Variants in BTBD8 observed in about 807,000 individuals in gnomAD.
BTBD8 encodes the protein BTB domain containing 8.
BTBD8 carries 110 observed loss-of-function variants against 162.9 expected under a neutral mutation model. That is an observed-to-expected ratio of 0.68 (90% CI 0.58 to 0.79). BTBD8 has a LOEUF of 0.79. BTBD8 is among the 30% of genes least tolerant of loss of function. The pLI, the probability that BTBD8 is intolerant of heterozygous loss-of-function variation, is 0.00. For missense variants in BTBD8, 1,905 were observed against 2,085.4 expected, an observed-to-expected ratio of 0.91 and a Z score of 1.68; for synonymous variants, 667 against 716.1, an observed-to-expected ratio of 0.93 and a Z score of 1.10.
chr1:92,099,250 T>G (rs1001120708), intron 2 of BTBD8, among the ~76,000 whole-genome samples: 4 of 152,168 alleles, frequency 2.6e-5, no homozygotes, highest in Non-Finnish European at 5.9e-5. Flanking sequence ...GATCTACATG[T>G]CCACCATTCT....
rs1650404968 is a variant in BTBD8 at position 92,167,137 on chromosome 1, A to G, written c.1302A>G (p.Leu434=). The G allele has an allele frequency of 6.4e-7, 1 of 1,550,492 alleles. No homozygotes were observed. The highest frequency in any genetic ancestry group is 1.2e-5 in the South Asian group (1 of 84,054). Residue 434 remains leucine (L), a synonymous_variant, in exon 10 of 18, where the codon TTA becomes TTG. Transcript: ENST00000636805. ...AGAGTGAAAATTTTGCTCTTCTTTT[A>G]CAGGTACTATGCCTAAATTATATCC... ...IIQSENFALL[L]QSQAMSSTAD...
intron 3 of BTBD8, among the ~76,000 whole-genome samples, chr1:92,104,732 C>A (rs1461212796): frequency 6.6e-6 from 1 of 152,100 alleles, no homozygotes. Context: ...CTTTTTGCAG[C>A]CTTTCATACT....
At chr1:92,091,450 CGT>C (rs138017815) in intron 2 of BTBD8, among the ~76,000 whole-genome samples, 17 of 151,100 alleles carry the variant, frequency 1.1e-4, no homozygotes, top group Admixed American at 2.6e-4. Context: ...CTAATACACT[CGT>C]GTGTGTGTGT....
At chr1:92,108,215 C>T (rs1418360959) in intron 4 of BTBD8, among the ~76,000 whole-genome samples, 2 of 152,212 alleles carry the variant, frequency 1.3e-5, no homozygotes, top group Non-Finnish European at 1.5e-5. Context: ...GGTTTTCACA[C>T]GTGCATACGT....
At chr1:92,106,982 G>A (rs898614786) in intron 3 of BTBD8, among the ~76,000 whole-genome samples, 43 of 152,032 alleles carry the variant, frequency 2.8e-4, no homozygotes, top group Admixed American at 1.3e-4. Flanking sequence ...GCTAGGGTGG[G>A]AGGATTGGAT....
rs752953977 is a variant in BTBD8, at chr1:92,139,468, G to A, written c.833+38G>A. On this transcript the variant is annotated intron_variant, in intron 6 of 17. Transcript: ENST00000636805. ...TTTTAATAATTTAAAATATAAAAGAGTTAGGTTCTGCTTTGTTGAGCTGTG... is the reference window on the plus strand; with the variant it reads ...TTTTAATAATTTAAAATATAAAAGAATTAGGTTCTGCTTTGTTGAGCTGTG... The A allele has an allele frequency of 7.6e-6, 12 of 1,583,084 alleles. No homozygotes were observed. In the Admixed American group the frequency reaches 1.7e-4, roughly 22 times the overall value.
chr1:92,158,735 TTCCTC>T (rs945675093), intron 9 of BTBD8, among the ~76,000 whole-genome samples: 1 of 152,112 alleles, frequency 6.6e-6, no homozygotes. Context: ...TCTCTATACT[TTCCTC>T]TCAGTTTTGC....
Position 92,177,344 on chromosome 1 carries a change from A to G in BTBD8, c.2151A>G (p.Ser717=), listed in dbSNP as rs370632399. ...KPLKKATGKD[S]PCLSIAGPSS... The stretch of plus-strand genomic sequence containing the variant: ...TGAAGAAAGCTACAGGGAAGGATTC[A>G]CCATGCCTCAGCATCGCAGGACCCT... The change falls in exon 14 of 18, where the codon TCA becomes TCG. Residue 717 remains serine (S), a synonymous_variant. Coordinates refer to ENST00000636805, the MANE Select transcript of BTBD8 (RefSeq NM_001376131.1). 27 of 1,551,738 alleles carry G rather than the reference A, an allele frequency of 1.7e-5. No individual in the cohort carries two copies. Among genetic ancestry groups the G allele is most frequent in the Non-Finnish European group, 2.0e-5 (23 of 1,147,046 alleles).
intron 9 of BTBD8, among the ~76,000 whole-genome samples, chr1:92,160,993 C>T (rs939831762): frequency 3.9e-5 from 6 of 152,154 alleles, no homozygotes; most frequent in South Asian, 2.1e-4. Context: ...CTAACTCTTT[C>T]CTTCCCCAGG....
At chr1:92,114,608 C>T (rs1648986032) in intron 4 of BTBD8, among the ~76,000 whole-genome samples, 1 of 152,012 alleles carries the variant, frequency 6.6e-6, no homozygotes, top group Non-Finnish European at 1.5e-5. Flanking sequence ...ATATAGCAAA[C>T]TTAGTACATT....
At chr1:92,171,506 T>C in intron 13 of BTBD8, 46 bp downstream of exon 13, 1 of 1,141,410 alleles carries the variant, frequency 8.8e-7, no homozygotes, top group East Asian at 2.8e-5. Flanking sequence ...AGATAACAAA[T>C]TATTTAAAGC....
intron 4 of BTBD8, among the ~76,000 whole-genome samples, chr1:92,128,427 T>A (rs1649419991): frequency 6.6e-6 from 1 of 152,106 alleles, no homozygotes; most frequent in Non-Finnish European, 1.5e-5. Flanking sequence ...AACAGGCGCC[T>A]GTCACCACGC....
At chr1:92,132,915 T>C (rs1037084541) in intron 5 of BTBD8, among the ~76,000 whole-genome samples, 1 of 152,202 alleles carries the variant, frequency 6.6e-6, no homozygotes, top group African/African-American at 2.4e-5. Flanking sequence ...GGTGGATGCA[T>C]GGTTTCATCT....
Position 92,182,113 on chromosome 1 carries a change from A to G in BTBD8, c.4430A>G (p.His1477Arg). ...TCTGATGTTTTTGATGGCATTTCTCATGAACATCATGGAAGGACCTGCTAT... is the reference window on the plus strand; with the variant it reads ...TCTGATGTTTTTGATGGCATTTCTCGTGAACATCATGGAAGGACCTGCTAT... ...SPSDVFDGIS[H>R]EHHGRTCYSR... The change falls in exon 17 of 18, where the codon CAT (histidine) becomes CGT (arginine). Residue 1477 changes from histidine (H) to arginine (R), a missense_variant. This residue lies in a region of BTBD8 where 517 missense variants were observed against 606.6 expected (regional missense o/e 0.85). Coordinates refer to ENST00000636805, the MANE Select transcript of BTBD8 (RefSeq NM_001376131.1). 4 of 1,551,556 alleles carry G rather than the reference A, an allele frequency of 2.6e-6. No individual in the cohort carries two copies. Among genetic ancestry groups the G allele is most frequent in the Non-Finnish European group, 8.7e-7 (1 of 1,146,906 alleles).
At chr1:92,148,551 A>G (rs6659092) in intron 9 of BTBD8, among the ~76,000 whole-genome samples, 1,819 of 152,302 alleles carry the variant, frequency 0.012, 33 homozygotes, top group African/African-American at 0.042. Context: ...GATGCAATAC[A>G]TGCTGTAAAT....
At chr1:92,143,250 T>C (rs993968362) in intron 7 of BTBD8, among the ~76,000 whole-genome samples, 1 of 152,158 alleles carries the variant, frequency 6.6e-6, no homozygotes, top group Non-Finnish European at 1.5e-5. Context: ...AAAGCTTATT[T>C]AAGAGCCTTA....
intron 1 of BTBD8, 31 bp downstream of exon 1, chr1:92,080,751 A>C: frequency 6.3e-7 from 1 of 1,592,784 alleles, no homozygotes; most frequent in Non-Finnish European, 8.5e-7. Flanking sequence ...TGGCTGCTTC[A>C]GTTCCTAAAT....
chr1:92,180,764 A>T lies in BTBD8; in HGVS notation c.3081A>T (p.Glu1027Asp). The T allele has an allele frequency of 6.4e-7, 1 of 1,551,794 alleles. No homozygotes were observed. ...NDQEKEKLAL[E>D]CQNISKLDKS... ...AAGAAAAAGAGAAGTTGGCGTTAGA[A>T]TGCCAAAATATTTCAAAGCTGGATA... Residue 1027 changes from glutamate (E) to aspartate (D), a missense_variant, in exon 17 of 18, where the codon GAA (glutamate) becomes GAT (aspartate). Glu to Asp is a conservative substitution (Grantham distance 45). Around this residue, in one of 3 missense-constraint regions of BTBD8, gnomAD observed 1,374 missense variants for 1,442.7 expected, o/e 0.95. Transcript: ENST00000636805.
chr1:92,149,088 A>T (rs759029688), intron 9 of BTBD8, among the ~76,000 whole-genome samples: 10 of 152,218 alleles, frequency 6.6e-5, no homozygotes, highest in African/African-American at 1.4e-4. Context: ...TAGTAGAAAA[A>T]GGTATGTAAA....
Sources: allele counts gnomAD v4.1 joint callset (sites outside exome capture counted in the v4.1 genomes callset), GRCh38; gene constraint gnomAD v4.1.1; regional missense constraint gnomAD v4.1.1; transcripts MANE v1.5; gene names NCBI Gene and HGNC (gene_info 2026-07-23, HGNC 2026-07-21).